MACROD2: variants seen among roughly 807,000 people sequenced by gnomAD.
MACROD2 encodes mono-ADP ribosylhydrolase 2.
Under a neutral mutation model 70.4 loss-of-function variants are expected in MACROD2, and 36 were observed. The ratio of observed to expected loss-of-function variants is 0.51; its 90% CI spans 0.39 to 0.68. The LOEUF (loss-of-function observed/expected upper bound fraction) is 0.68. Ranked by LOEUF, MACROD2 falls within the 30% of genes least tolerant of loss-of-function variation. The pLI, the probability that MACROD2 is intolerant of heterozygous loss-of-function variation, is 0.00. For missense variants in MACROD2, 496 were observed against 538.4 expected (o/e 0.92, Z 0.78); for synonymous variants, 172 against 178.8 (o/e 0.96, Z 0.30).
At chr20:15,623,273 T>C (rs1433150344) in intron 8 of MACROD2, among the ~76,000 whole-genome samples, 4 of 152,236 alleles carry the variant, frequency 2.6e-5, no homozygotes, top group Admixed American at 2.6e-4. Context: ...TCACTAACTT[T>C]GTTACATCAT....
At chr20:15,637,106 C>A (rs766939304) in intron 8 of MACROD2, among the ~76,000 whole-genome samples, 2 of 152,214 alleles carry the variant, frequency 1.3e-5, no homozygotes. Flanking sequence ...CCACAAAGAA[C>A]TGCAGATTTC....
At chr20:15,555,828 C>CAAAAAAAAAAAA (rs397838341) in intron 8 of MACROD2, among the ~76,000 whole-genome samples, 12 of 18,538 alleles carry the variant, frequency 6.5e-4, no homozygotes, top group Non-Finnish European at 1.1e-3. Flanking sequence ...GACTCCATCT[C>CAAAAAAAAAAAA]AAAAAAAAAA....
At chr20:15,392,955 T>C (rs946959201) in intron 6 of MACROD2, among the ~76,000 whole-genome samples, 2 of 152,074 alleles carry the variant, frequency 1.3e-5, no homozygotes, top group Admixed American at 1.3e-4. Context: ...CAGTTCTCGG[T>C]GCTGCTAAGA....
intron 2 of MACROD2, among the ~76,000 whole-genome samples, chr20:14,046,496 T>G (rs572562066): frequency 6.6e-6 from 1 of 152,326 alleles, no homozygotes; most frequent in East Asian, 1.9e-4. Flanking sequence ...TAATGTCTAG[T>G]AAGTTTCAGT....
At chr20:15,296,467 T>C (rs73262794) in intron 6 of MACROD2, among the ~76,000 whole-genome samples, 2,769 of 152,318 alleles carry the variant, frequency 0.018, 45 homozygotes, top group African/African-American at 0.047. Flanking sequence ...TTCATAATTA[T>C]ATGATGTTTC....
intron 3 of MACROD2, among the ~76,000 whole-genome samples, chr20:14,169,311 G>C (rs180954061): frequency 3.8e-4 from 57 of 151,348 alleles, no homozygotes; most frequent in African/African-American, 1.2e-3. Flanking sequence ...CTTTTTTTTG[G>C]GGGGGGGCGG....
chr20:14,270,008 C>T (rs1002397154), intron 3 of MACROD2, among the ~76,000 whole-genome samples: 1 of 151,910 alleles, frequency 6.6e-6, no homozygotes, highest in Non-Finnish European at 1.5e-5. Context: ...ATTATATGGG[C>T]ATTATTATGT....
intron 4 of MACROD2, among the ~76,000 whole-genome samples, chr20:14,545,969 G>A (rs2123246015): frequency 6.6e-6 from 1 of 152,294 alleles, no homozygotes; most frequent in South Asian, 2.1e-4. Context: ...CGCTTGTAGT[G>A]TAAAAGAGAA....
At chr20:15,933,214 G>C in intron 10 of MACROD2, 62 bp from the exon 11 acceptor site, 1 of 1,513,816 alleles carries the variant, frequency 6.6e-7, no homozygotes, top group Non-Finnish European at 9.2e-7. Context: ...CATATTAGCC[G>C]TAAAGAGATA....
intron 4 of MACROD2, among the ~76,000 whole-genome samples, chr20:14,645,016 A>G (rs1459255374): frequency 6.6e-6 from 1 of 152,182 alleles, no homozygotes; most frequent in Non-Finnish European, 1.5e-5. Context: ...GATCAAACAT[A>G]TTATTTGCAC....
At chr20:15,975,251 G>T (rs2066288930) in intron 13 of MACROD2, among the ~76,000 whole-genome samples, 1 of 152,076 alleles carries the variant, frequency 6.6e-6, no homozygotes, top group Non-Finnish European at 1.5e-5. Flanking sequence ...AAAATTAGTG[G>T]AAATAGGGTT....
rs12625458 is a variant in MACROD2, at chr20:14,226,939, A to G, written c.271+141211A>G. Among the ~76,000 whole-genome samples the G allele has an allele frequency of 6.0e-4, 92 of 152,356 alleles. 2 individuals are homozygous for G. In the East Asian group the frequency reaches 0.011, roughly 18 times the overall value. On this transcript the variant is annotated intron_variant, in intron 3 of 17. Transcript: ENST00000684519. ...GCATCTCCACCTGCAGCCCCAGTGC[A>G]GGATCCACTGGGCGAAGCCAGCTGG...
intron 6 of MACROD2, among the ~76,000 whole-genome samples, chr20:15,362,043 G>A (rs55888500): frequency 0.072 from 10,521 of 145,424 alleles, 573 homozygotes; most frequent in African/African-American, 0.15. Flanking sequence ...ACGGAGTCTC[G>A]CTCTGTTGCC....
intron 15 of MACROD2, among the ~76,000 whole-genome samples, chr20:16,010,426 A>G (rs998365247): frequency 6.6e-6 from 1 of 152,192 alleles, no homozygotes; most frequent in South Asian, 2.1e-4. Context: ...GTATAAAAGG[A>G]TAGTACTTTG....
At chr20:14,419,300 T>G (rs1161174626) in intron 3 of MACROD2, among the ~76,000 whole-genome samples, 1 of 152,188 alleles carries the variant, frequency 6.6e-6, no homozygotes, top group African/African-American at 2.4e-5. Flanking sequence ...GTGATCCGCC[T>G]GCCTCAGCCT....
intron 5 of MACROD2, among the ~76,000 whole-genome samples, chr20:15,196,100 G>A (rs534968640): frequency 6.6e-6 from 1 of 152,248 alleles, no homozygotes; most frequent in East Asian, 1.9e-4. Flanking sequence ...GAAAGGGAGA[G>A]CATCAGGAGG....
rs1297181046 is a variant in MACROD2 at position 15,342,405 on chromosome 20, G to T, written c.541-89000G>T. ...TGGCTTGTATTTTGACATTTTTTGT[G>T]TTCATTAGTTGGAGGATTTGGGTGG... On this transcript the variant is annotated intron_variant, in intron 6 of 17. Coordinates refer to ENST00000684519, the MANE Select transcript of MACROD2 (RefSeq NM_001351661.2). Among the ~76,000 whole-genome samples, 4 of 152,060 alleles carry T rather than the reference G, an allele frequency of 2.6e-5. No homozygotes were observed. In the East Asian group the frequency reaches 7.7e-4, roughly 29 times the overall value.
chr20:14,169,367 C>T (rs1308256173), intron 3 of MACROD2, among the ~76,000 whole-genome samples: 3 of 152,120 alleles, frequency 2.0e-5, no homozygotes, highest in South Asian at 2.1e-4. Flanking sequence ...TGCAATGGTG[C>T]GATCTTGGCT....
intron 9 of MACROD2, among the ~76,000 whole-genome samples, chr20:15,876,111 A>ATATATG (rs1555789655): frequency 6.5e-5 from 9 of 138,842 alleles, no homozygotes; most frequent in African/African-American, 2.6e-4. Context: ...ATATATATAT[A>ATATATG]TGTGTGTATT....
Sources: gnomAD v4.1 joint callset for allele counts (sites outside exome capture counted in the v4.1 genomes callset) on GRCh38, gnomAD v4.1.1 for gene constraint, MANE v1.5 for transcripts, NCBI Gene and HGNC (gene_info 2026-07-23, HGNC 2026-07-21) for gene names.